The following DLGAP1 variants were observed in gnomAD, a reference collection of about 807,000 sequenced individuals.
DLGAP1 encodes DLG associated protein 1, also known as disks large-associated protein 1.
Under a neutral mutation model 90.8 loss-of-function variants are expected in DLGAP1, and 11 were observed. The ratio of observed to expected loss-of-function variants is 0.12; its 90% CI spans 0.08 to 0.20. The LOEUF (loss-of-function observed/expected upper bound fraction) is 0.20, where lower values mean the gene tolerates loss of function less well. Among genes scored for constraint, DLGAP1 ranks in the 10% least tolerant of loss-of-function variants. DLGAP1 has a pLI of 1.00. For synonymous variants in DLGAP1, 558 were observed against 540.7 expected (o/e 1.03, Z -0.44); for missense variants, 1,050 against 1,333.8 (o/e 0.79, Z 3.31).
intron 1 of DLGAP1, among the ~76,000 whole-genome samples, chr18:4,270,663 C>T (rs979857427): frequency 2.6e-5 from 4 of 152,072 alleles, no homozygotes; most frequent in Admixed American, 6.6e-5. Flanking sequence ...CCTCTCCTTC[C>T]CTCCAAATAT....
intron 1 of DLGAP1, among the ~76,000 whole-genome samples, chr18:4,302,607 C>T (rs376574101): frequency 3.3e-5 from 5 of 152,004 alleles, no homozygotes; most frequent in Admixed American, 6.6e-5. Context: ...CAGAACCATG[C>T]TTTTAAATTA....
intron 3 of DLGAP1, among the ~76,000 whole-genome samples, chr18:4,001,462 C>T (rs914895979): frequency 2.0e-5 from 3 of 151,982 alleles, no homozygotes; most frequent in East Asian, 1.9e-4. Flanking sequence ...ATGGTAGATT[C>T]GATGGCCATT....
At chr18:4,118,553 C>G (rs374919048) in intron 2 of DLGAP1, among the ~76,000 whole-genome samples, 33 of 152,228 alleles carry the variant, frequency 2.2e-4, no homozygotes, top group African/African-American at 7.5e-4. Context: ...TCTTAGTCAC[C>G]CCCGCCTACA....
intron 1 of DLGAP1, among the ~76,000 whole-genome samples, chr18:4,256,600 G>C (rs2078892172): frequency 1.3e-5 from 2 of 151,786 alleles, no homozygotes; most frequent in African/African-American, 4.8e-5. Context: ...GGTCCTTCTG[G>C]GGAAAATCAT....
chr18:3,707,583 G>C (rs2061473850), intron 7 of DLGAP1, among the ~76,000 whole-genome samples: 1 of 150,128 alleles, frequency 6.7e-6, no homozygotes, highest in Admixed American at 6.7e-5. Flanking sequence ...CTGGGTGACA[G>C]AGTGAGTGAG....
At chr18:4,236,854 C>T (rs984694833) in intron 1 of DLGAP1, among the ~76,000 whole-genome samples, 3 of 152,140 alleles carry the variant, frequency 2.0e-5, no homozygotes, top group African/African-American at 7.2e-5. Flanking sequence ...CTTATTCCTT[C>T]ATTTTAATTT....
At chr18:3,961,367 T>G (rs1936013210) in intron 3 of DLGAP1, among the ~76,000 whole-genome samples, 1 of 152,172 alleles carries the variant, frequency 6.6e-6, no homozygotes, top group African/African-American at 2.4e-5. Flanking sequence ...TCTGAAGCCT[T>G]TTTGCAATCC....
chr18:4,199,068 C>G (rs772425584), intron 1 of DLGAP1, among the ~76,000 whole-genome samples: 3 of 152,194 alleles, frequency 2.0e-5, no homozygotes, highest in Non-Finnish European at 4.4e-5. Context: ...CTCACCTACT[C>G]TACTTTTTAT....
At chr18:3,755,718 G>T (rs1321261158) in intron 5 of DLGAP1, among the ~76,000 whole-genome samples, 4 of 152,124 alleles carry the variant, frequency 2.6e-5, no homozygotes, top group Non-Finnish European at 5.9e-5. Flanking sequence ...TTCAACAATA[G>T]TAGTTAGACA....
intron 6 of DLGAP1, among the ~76,000 whole-genome samples, chr18:3,732,812 C>T (rs1156355308): frequency 3.3e-5 from 5 of 151,848 alleles, no homozygotes; most frequent in Non-Finnish European, 7.4e-5. Context: ...TCCAAAAAGC[C>T]CTTTCTTTTT....
intron 5 of DLGAP1, among the ~76,000 whole-genome samples, chr18:3,746,312 G>T (rs974398918): frequency 2.0e-5 from 3 of 151,884 alleles, no homozygotes; most frequent in South Asian, 2.1e-4. Context: ...AATTTAAAGA[G>T]AAATTTATCA....
At chr18:4,134,906 G>A (rs1174361155) in intron 2 of DLGAP1, among the ~76,000 whole-genome samples, 2 of 151,994 alleles carry the variant, frequency 1.3e-5, no homozygotes, top group African/African-American at 4.8e-5. Context: ...CAGCCCAGCT[G>A]TTCTACAGTG....
At chr18:3,988,930 T>C (rs1305157662) in intron 3 of DLGAP1, among the ~76,000 whole-genome samples, 2 of 152,228 alleles carry the variant, frequency 1.3e-5, no homozygotes, top group African/African-American at 4.8e-5. Context: ...GTGGCTTAAC[T>C]GGGATAAACA....
chr18:3,866,176 C>G (rs370012155), intron 4 of DLGAP1, among the ~76,000 whole-genome samples: 1 of 152,158 alleles, frequency 6.6e-6, no homozygotes, highest in East Asian at 1.9e-4. Flanking sequence ...CAATTGCTGT[C>G]TTTTTAATGA....
chr18:3,952,223 C>T (rs945924943), intron 3 of DLGAP1, among the ~76,000 whole-genome samples: 8 of 152,176 alleles, frequency 5.3e-5, no homozygotes, highest in African/African-American at 9.7e-5. Context: ...AAGCATTTCC[C>T]CTCCTGAGGG....
At position 3,590,036 on chromosome 18, in the gene DLGAP1, G is replaced by C. The variant is rs184434371; in HGVS notation, c.1592-7788C>G. ...AGCAATTCTCCTGCTTCAGCCTCCT[G>C]AGTAGCTGGGATTACAGGCATGTGC... On this transcript the variant is annotated intron_variant, in intron 7 of 12. Transcript: ENST00000315677. Among the ~76,000 whole-genome samples the C allele has an allele frequency of 2.0e-3, 312 of 152,250 alleles. 1 individual carries two copies. The highest frequency in any genetic ancestry group is 7.2e-3 in the African/African-American group (301 of 41,550).
chr18:4,132,846 G>C (rs1334123242), intron 2 of DLGAP1, among the ~76,000 whole-genome samples: 1 of 152,132 alleles, frequency 6.6e-6, no homozygotes, highest in Non-Finnish European at 1.5e-5. Flanking sequence ...CATAATTCCT[G>C]TTATCCAGGA....
At chr18:4,185,768 G>A (rs1248881058) in intron 1 of DLGAP1, among the ~76,000 whole-genome samples, 1 of 152,096 alleles carries the variant, frequency 6.6e-6, no homozygotes, top group Non-Finnish European at 1.5e-5. Flanking sequence ...GGTCTTTATG[G>A]TAGAACGATT....
chr18:4,364,355 A>G (rs1422070710), intron 1 of DLGAP1, among the ~76,000 whole-genome samples: 1 of 151,466 alleles, frequency 6.6e-6, no homozygotes, highest in Non-Finnish European at 1.5e-5. Context: ...ATGTATACAT[A>G]TGTAACTAAC....
Sources: allele counts gnomAD v4.1 joint callset (sites outside exome capture counted in the v4.1 genomes callset), GRCh38; gene constraint gnomAD v4.1.1; transcripts MANE v1.5; gene names NCBI Gene and HGNC (gene_info 2026-07-23, HGNC 2026-07-21).